Variants in KCNMA1 observed in about 807,000 individuals in gnomAD.
KCNMA1 encodes potassium calcium-activated channel subfamily M alpha 1, also known as Calcium-activated potassium channel subunit alpha-1.
KCNMA1 carries 29 observed loss-of-function variants against 140.0 expected under a neutral mutation model. The observed-to-expected ratio is 0.21, with a 90% CI of 0.15 to 0.28. The LOEUF is 0.28. KCNMA1 is among the 10% of genes least tolerant of loss of function. KCNMA1 has a pLI of 1.00. For synonymous variants in KCNMA1, 612 were observed against 611.9 expected (o/e 1.00, Z 0.00); for missense variants, 880 against 1,602.2 (o/e 0.55, Z 7.70).
intron 15 of KCNMA1, among the ~76,000 whole-genome samples, chr10:77,035,133 C>T (rs2094230673): frequency 6.6e-6 from 1 of 152,210 alleles, no homozygotes; most frequent in Non-Finnish European, 1.5e-5. Flanking sequence ...TTTGTCTCAT[C>T]TAAAGAGGAA....
chr10:77,552,220 G>A (rs1279817302), intron 1 of KCNMA1, among the ~76,000 whole-genome samples: 1 of 152,178 alleles, frequency 6.6e-6, no homozygotes, highest in African/African-American at 2.4e-5. Context: ...GAGGGCCGTG[G>A]CTGCCTGACT....
chr10:76,876,686 T>C (rs781770366), downstream of KCNMA1: 1 of 152,114 alleles, frequency 6.6e-6, no homozygotes, highest in Admixed American at 6.5e-5. Flanking sequence ...GTCTCCATGA[T>C]TGTAGAAATT....
rs2097582679 is a variant in KCNMA1, at chr10:77,121,156, C to T, written c.809-108G>A. ...CCAAGGGTCGAAGGGATGGGAAGTT[C>T]TTGCAGAAGATAAACCAGCTGGTAC... is the stretch of plus-strand genomic sequence containing the variant. On this transcript the variant is annotated intron_variant, in intron 5 of 27. Transcript: ENST00000286628. 3 of 748,266 alleles carry T rather than the reference C, an allele frequency of 4.0e-6. No homozygotes were observed. The Admixed American group carries it at 6.0e-5, about 15-fold the overall frequency. The allele number at this position is 748,266 out of a possible 1,614,324, so 46.4% of individuals were successfully genotyped here. A position where few individuals can be genotyped will look rare whatever the true frequency, so the allele number is the denominator to read the frequency against.
chr10:76,886,649 A>G lies in KCNMA1; in HGVS notation c.*617T>C. ...AAGGCCTTGGTGAGTAACTAAAAAA[A>G]TCACTGATGTTCTCTTGCAACAAGC... is the stretch of plus-strand genomic sequence containing the variant. On this transcript the variant is annotated 3_prime_UTR_variant, in exon 28 of 28. Coordinates refer to ENST00000286628, the MANE Select transcript of KCNMA1 (RefSeq NM_001161352.2). The G allele has an allele frequency of 5.0e-6, 5 of 991,468 alleles. No homozygotes were observed. The highest frequency in any genetic ancestry group is 6.0e-6 in the Non-Finnish European group (5 of 833,586). The allele number at this position is 991,468 out of a possible 1,614,324, so 61.4% of individuals were successfully genotyped here. A position where few individuals can be genotyped will look rare whatever the true frequency, so the allele number is the denominator to read the frequency against.
chr10:77,503,828 T>G (rs959187721), intron 1 of KCNMA1, among the ~76,000 whole-genome samples: 3 of 152,332 alleles, frequency 2.0e-5, no homozygotes, highest in African/African-American at 7.2e-5. Context: ...GATTTTTCAG[T>G]GCTGGAAGGG....
chr10:76,978,271 C>A (rs2078303161), intron 19 of KCNMA1, among the ~76,000 whole-genome samples: 2 of 152,190 alleles, frequency 1.3e-5, no homozygotes, highest in Admixed American at 1.3e-4. Context: ...TGTGCCCCAT[C>A]AGTTTGGCTA....
At chr10:77,602,466 T>C (rs1331620898) in intron 1 of KCNMA1, among the ~76,000 whole-genome samples, 2 of 152,120 alleles carry the variant, frequency 1.3e-5, no homozygotes, top group South Asian at 2.1e-4. Flanking sequence ...GATGAAAATG[T>C]TCTGGAATTA....
rs536158160 is a variant in KCNMA1, at chr10:77,120,520, C to T, written c.884+453G>A. On this transcript the variant is annotated intron_variant, in intron 6 of 27. Transcript: ENST00000286628. ...GTTTGCCGTATGAGGTTTGTGATTG[C>T]CTCTCACAGCATTGCTTCTATTGCC... is the stretch of plus-strand genomic sequence containing the variant. 1.6e-4 allele frequency among the ~76,000 whole-genome samples: 25 copies of T among 152,274 alleles called. 1 individual carries two copies. Among genetic ancestry groups the T allele is most frequent in the African/African-American group, 6.0e-4 (25 of 41,562 alleles).
chr10:77,132,419 A>G (rs2097883298), intron 5 of KCNMA1, among the ~76,000 whole-genome samples: 1 of 152,134 alleles, frequency 6.6e-6, no homozygotes, highest in Non-Finnish European at 1.5e-5. Flanking sequence ...AATGAAGGAA[A>G]TAGAGAACAG....
chr10:76,939,104 C>A (rs974990519), intron 23 of KCNMA1: 1 of 146,596 alleles, frequency 6.8e-6, no homozygotes, highest in Non-Finnish European at 1.5e-5. Flanking sequence ...ACAGATGCCA[C>A]CTCTTCTTTT....
intron 9 of KCNMA1, among the ~76,000 whole-genome samples, chr10:77,096,480 G>C (rs1019141301): frequency 1.3e-5 from 2 of 152,284 alleles, no homozygotes; most frequent in Non-Finnish European, 2.9e-5. Flanking sequence ...AAAAGCCAAA[G>C]AGAAGGGATG....
chr10:77,389,510 G>A (rs2095736103), intron 2 of KCNMA1, among the ~76,000 whole-genome samples: 1 of 152,048 alleles, frequency 6.6e-6, no homozygotes, highest in African/African-American at 2.4e-5. Context: ...TCACCCAAGA[G>A]CTCCTCAAGC....
chr10:77,198,831 C>T (rs1266054573), intron 3 of KCNMA1, among the ~76,000 whole-genome samples: 2 of 152,116 alleles, frequency 1.3e-5, no homozygotes, highest in African/African-American at 4.8e-5. Context: ...CAATTCCTGC[C>T]TCCTAGTTCT....
intron 3 of KCNMA1, among the ~76,000 whole-genome samples, chr10:77,191,731 C>A (rs1372578261): frequency 6.6e-6 from 1 of 151,994 alleles, no homozygotes. Context: ...CTTTTTTAAT[C>A]TTAAAACATT....
At chr10:77,036,011 A>G (rs2094304501) in intron 15 of KCNMA1, among the ~76,000 whole-genome samples, 1 of 152,154 alleles carries the variant, frequency 6.6e-6, no homozygotes, top group African/African-American at 2.4e-5. Flanking sequence ...AAGTAGATCC[A>G]CCCTCACTCT....
chr10:77,268,360 T>A (rs1370237055), intron 2 of KCNMA1, among the ~76,000 whole-genome samples: 1 of 152,196 alleles, frequency 6.6e-6, no homozygotes, highest in African/African-American at 2.4e-5. Flanking sequence ...ACTCATGCTG[T>A]TCGCAGAGTA....
intron 1 of KCNMA1, 37 bp downstream of exon 1, chr10:77,637,228 G>T: frequency 6.4e-7 from 1 of 1,551,150 alleles, no homozygotes; most frequent in Non-Finnish European, 8.8e-7. Context: ...AAGCGGTGGG[G>T]CTGGCGCAGA....
intron 1 of KCNMA1, among the ~76,000 whole-genome samples, chr10:77,470,305 G>A (rs2098122226): frequency 6.6e-6 from 1 of 152,156 alleles, no homozygotes; most frequent in Non-Finnish European, 1.5e-5. Flanking sequence ...AGATGTAATG[G>A]AGACTCAGCA....
chr10:77,568,713 T>C (rs2069458095), intron 1 of KCNMA1, among the ~76,000 whole-genome samples: 1 of 148,738 alleles, frequency 6.7e-6, no homozygotes, highest in Non-Finnish European at 1.5e-5. Flanking sequence ...CTATTCAACA[T>C]AGTGTTGGAA....
Sources: allele counts gnomAD v4.1 joint callset (sites outside exome capture counted in the v4.1 genomes callset), GRCh38; gene constraint gnomAD v4.1.1; transcripts MANE v1.5; gene names NCBI Gene and HGNC (gene_info 2026-07-23, HGNC 2026-07-21).